KIF13B: variants seen among roughly 807,000 people sequenced by gnomAD.
KIF13B encodes the protein kinesin-like protein KIF13B.
A neutral mutation model predicts 222.0 loss-of-function variants in KIF13B; 127 were observed. That is an observed-to-expected ratio of 0.57 (90% confidence interval 0.50 to 0.66). The LOEUF (loss-of-function observed/expected upper bound fraction) is 0.66, where lower values mean the gene tolerates loss of function less well. KIF13B is among the 30% of genes least tolerant of loss of function. The pLI, the probability that KIF13B is intolerant of heterozygous loss-of-function variation, is 0.00. For synonymous variants in KIF13B, 976 were observed against 919.0 expected, an observed-to-expected ratio of 1.06 and a Z score of -1.12; for missense variants, 2,173 against 2,379.0, an observed-to-expected ratio of 0.91 and a Z score of 1.80.
rs544270492 is a variant in KIF13B, at chr8:29,257,259, T to C, written c.55+5721A>G. ...GCGAAAGCCCCATACAGTTAAGTCA[T>C]GGACTTGCATGGAGTGGACCAGTTA... On this transcript the variant is annotated intron_variant, in intron 1 of 39. Transcript: ENST00000524189. Among the ~76,000 whole-genome samples the C allele has an allele frequency of 5.9e-5, 9 of 152,270 alleles. No individual in the cohort carries two copies. The East Asian group carries it at 1.5e-3, about 26-fold the overall frequency.
At chr8:29,156,423 C>A (rs1475555694) in intron 13 of KIF13B, among the ~76,000 whole-genome samples, 1 of 152,224 alleles carries the variant, frequency 6.6e-6, no homozygotes, top group Non-Finnish European at 1.5e-5. Flanking sequence ...AAATAAACTA[C>A]ATCTCTATCA....
At chr8:29,176,308 G>C in intron 9 of KIF13B, 129 bp from the exon 10 acceptor site, 1 of 620,508 alleles carries the variant, frequency 1.6e-6, no homozygotes, top group South Asian at 2.0e-5. Context: ...GCATTTTGCC[G>C]CTCAGTTCAA....
intron 2 of KIF13B, among the ~76,000 whole-genome samples, chr8:29,240,866 T>TA (rs1413118871): frequency 6.6e-6 from 1 of 152,180 alleles, no homozygotes; most frequent in Non-Finnish European, 1.5e-5. Context: ...GGTGGGAATG[T>TA]AAAACGGTGC....
chr8:29,229,088 TAAAAAA>T (rs370080449), intron 2 of KIF13B, among the ~76,000 whole-genome samples: 5 of 94,692 alleles, frequency 5.3e-5, no homozygotes, highest in African/African-American at 1.6e-4. Flanking sequence ...ATGTCAGCTT[TAAAAAA>T]AAAAAAAAAA....
intron 2 of KIF13B, among the ~76,000 whole-genome samples, chr8:29,201,127 T>C (rs1813675376): frequency 6.6e-6 from 1 of 152,232 alleles, no homozygotes; most frequent in African/African-American, 2.4e-5. Context: ...CTTATAATTC[T>C]TGCCTGCAAC....
chr8:29,221,354 C>T (rs1473635297), intron 2 of KIF13B, among the ~76,000 whole-genome samples: 10 of 151,504 alleles, frequency 6.6e-5, no homozygotes, highest in African/African-American at 1.9e-4. Context: ...CTGCCCGCTT[C>T]GGCCTCCCAA....
intron 2 of KIF13B, among the ~76,000 whole-genome samples, chr8:29,202,084 G>A (rs1332477404): frequency 6.6e-6 from 1 of 152,182 alleles, no homozygotes; most frequent in Non-Finnish European, 1.5e-5. Flanking sequence ...TGATAAAGTA[G>A]AGTATGACTG....
At chr8:29,075,220 C>T (rs1329145746) in intron 38 of KIF13B, 61 bp downstream of exon 38, 12 of 1,383,464 alleles carry the variant, frequency 8.7e-6, no homozygotes, top group Middle Eastern at 1.8e-4. Context: ...TCAACAGTTT[C>T]GGCATCAGGG....
At chr8:29,150,021 C>A (rs183318434) in intron 15 of KIF13B, among the ~76,000 whole-genome samples, 69 of 152,178 alleles carry the variant, frequency 4.5e-4, no homozygotes, top group African/African-American at 1.6e-3. Context: ...TTACACCACA[C>A]GGCAAAAGAA....
In KIF13B at chr8:29,108,353, T is replaced by A. The variant is rs117307637; in HGVS notation, c.4162-161A>T. On this transcript the variant is annotated intron_variant, in intron 34 of 39. Transcript: ENST00000524189. The stretch of plus-strand genomic sequence containing the variant: ...CTGCACACTAGTGGTCTTTGGGACA[T>A]TACAAACATTGAATTGGTTATGAAC... Among the ~76,000 whole-genome samples, 93 of 152,326 alleles carry A rather than the reference T, an allele frequency of 6.1e-4. 4 individuals carry two copies. The East Asian group carries it at 0.017, about 28-fold the overall frequency.
chr8:29,126,272 ATC>A (rs1810104704), intron 26 of KIF13B, among the ~76,000 whole-genome samples: 1 of 152,078 alleles, frequency 6.6e-6, no homozygotes, highest in Non-Finnish European at 1.5e-5. Flanking sequence ...TTGGAAAAGG[ATC>A]TCAGTCACGA....
chr8:29,160,740 T>C lies in KIF13B; in HGVS notation c.1397A>G (p.Tyr466Cys). 1 of 1,613,132 alleles carries C rather than the reference T, an allele frequency of 6.2e-7. No individual in the cohort carries two copies. ...CAAAGCACATTACTTCACCTTTAAA[T>C]AGTACACCAGAAGCTCATTCAGAGC... is the stretch of plus-strand genomic sequence containing the variant. Reference protein sequence around the residue: ...DPALNELLVYYLKEHTLIGSA... With the variant: ...DPALNELLVYCLKEHTLIGSA... The change falls in exon 13 of 40, where the codon TAT (tyrosine) becomes TGT (cysteine). Residue 466 changes from tyrosine (Y) to cysteine (C), a missense_variant. This residue lies in a region of KIF13B where 1,480 missense variants were observed against 1,722.8 expected (regional missense o/e 0.86). Transcript: ENST00000524189.
chr8:29,233,948 G>T (rs1053218314), intron 2 of KIF13B, among the ~76,000 whole-genome samples: 2 of 152,170 alleles, frequency 1.3e-5, no homozygotes, highest in Non-Finnish European at 2.9e-5. Flanking sequence ...AGACAGTTAA[G>T]AGTTAGCACT....
rs751301902 is a variant in KIF13B, at chr8:29,142,306, G to T, written c.2188-3C>A. 6.2e-7 allele frequency: 1 copy of T among 1,609,128 alleles called. No homozygotes were observed. The highest frequency in any genetic ancestry group is 8.5e-7 in the Non-Finnish European group (1 of 1,177,502). On this transcript the variant is annotated splice_polypyrimidine_tract_variant and splice_region_variant and intron_variant, in intron 18 of 39. Coordinates refer to ENST00000524189, the MANE Select transcript of KIF13B (RefSeq NM_015254.4). ...GGCTCACTAAGAAGAGAGCCTCGCT[G>T]CAAAGAGAGTAAGAATGACCGTGAG...
At position 29,148,711 on chromosome 8, in the gene KIF13B, G is replaced by T. The variant is rs868554153; in HGVS notation, c.1679C>A (p.Pro560His). 1.2e-6 allele frequency: 2 copies of T among 1,609,896 alleles called. No homozygotes were observed. Among genetic ancestry groups the T allele is most frequent in the Admixed American group, 1.7e-5 (1 of 59,500 alleles). Residue 560 changes from proline (P) to histidine (H), a missense_variant, in exon 16 of 40, where the codon CCC (proline) becomes CAC (histidine). Coordinates refer to ENST00000524189, the MANE Select transcript of KIF13B (RefSeq NM_015254.4). Reference sequence around the variant, plus strand: ...AGAACTATTCTCGTTCTTCATGGAGGGATCCTGGTCCTCATCCTCTCGTTC... The same window carrying T: ...AGAACTATTCTCGTTCTTCATGGAGTGATCCTGGTCCTCATCCTCTCGTTC... ...KAEREDEDQD[P>H]SMKNENSSEQ...
chr8:29,208,341 A>G (rs1814051144), intron 2 of KIF13B, among the ~76,000 whole-genome samples: 1 of 152,238 alleles, frequency 6.6e-6, no homozygotes, highest in South Asian at 2.1e-4. Flanking sequence ...AAGAGGTAGC[A>G]GTCTATATAC....
chr8:29,125,835 G>A (rs935428333), intron 26 of KIF13B, among the ~76,000 whole-genome samples: 3 of 152,242 alleles, frequency 2.0e-5, no homozygotes, highest in African/African-American at 2.4e-5. Context: ...TCAGTCGGGC[G>A]CGGTGGCTCA....
rs371449780 is a variant in KIF13B at position 29,070,810 on chromosome 8, A to C, written c.5219-44T>G. 5.4e-4 allele frequency: 842 copies of C among 1,566,330 alleles called. No homozygotes were observed. Among genetic ancestry groups the C allele is most frequent in the Non-Finnish European group, 6.9e-4 (796 of 1,156,264 alleles). ...GTGATATGGAGGGCAGCCGAGCTGCAGACGGCCCCCTGCACCTCCCTTACC... is the reference window on the plus strand; with the variant it reads ...GTGATATGGAGGGCAGCCGAGCTGCCGACGGCCCCCTGCACCTCCCTTACC... On this transcript the variant is annotated intron_variant, in intron 39 of 39. Coordinates refer to ENST00000524189, the MANE Select transcript of KIF13B (RefSeq NM_015254.4). The surrounding 1 kb of genome is among the most constrained non-coding windows in gnomAD (Gnocchi z 4.1).
Position 29,140,151 on chromosome 8 carries a change from C to T in KIF13B, c.2525G>A (p.Gly842Asp). The T allele has an allele frequency of 6.2e-7, 1 of 1,613,818 alleles. No individual in the cohort carries two copies. Among genetic ancestry groups the T allele is most frequent in the African/African-American group, 1.3e-5 (1 of 75,056 alleles). ...TCCTGCGATCCTCTCCCCAACATCA[C>T]CACTGAGTCGCATCACCTCCACGTG... ...RLHVEVMRLS[G>D]DVGERIAGGD... Residue 842 changes from glycine to aspartate, a missense_variant, in exon 21 of 40, where the codon GGT becomes GAT. This residue lies in a region of KIF13B where 1,480 missense variants were observed against 1,722.8 expected (regional missense o/e 0.86). Transcript: ENST00000524189.
Sources: allele counts gnomAD v4.1 joint callset (sites outside exome capture counted in the v4.1 genomes callset), GRCh38; gene constraint gnomAD v4.1.1; regional missense constraint gnomAD v4.1.1; non-coding constraint Gnocchi (gnomAD v3.1); transcripts MANE v1.5; gene names NCBI Gene and HGNC (gene_info 2026-07-23, HGNC 2026-07-21).